The following CACNA1A variants were observed in gnomAD, a reference collection of about 807,000 sequenced individuals.
CACNA1A encodes the protein voltage-dependent P/Q-type calcium channel subunit alpha-1A.
In CACNA1A, 57 loss-of-function variants were observed where a neutral mutation model predicts 262.4. The observed-to-expected ratio is 0.22, with a 90% CI of 0.18 to 0.27. The LOEUF (loss-of-function observed/expected upper bound fraction) is 0.27, where lower values mean the gene tolerates loss of function less well. Ranked by LOEUF, CACNA1A falls within the 10% of genes least tolerant of loss-of-function variation. CACNA1A has a pLI of 1.00. For missense variants in CACNA1A, 2,526 were observed against 3,562.8 expected, an observed-to-expected ratio of 0.71 and a Z score of 7.41; for synonymous variants, 1,431 against 1,419.3, an observed-to-expected ratio of 1.01 and a Z score of -0.18.
In CACNA1A at chr19:13,207,157, T is replaced by C. The variant is rs2054597771; in HGVS notation, c.*156A>G. 9.9e-6 allele frequency: 8 copies of C among 809,186 alleles called. No homozygotes were observed. In the South Asian group the frequency reaches 1.0e-4, roughly 10 times the overall value. 50.1% of individuals were successfully genotyped at this position (809,186 alleles called of 1,614,324 possible). A position where few individuals can be genotyped will look rare whatever the true frequency, so the allele number is the denominator to read the frequency against. ...GCCGAGGGTCTCTGCGGGACACCCT[T>C]GTGGCCCAGCCCTGGCCTCTCCAGA... On this transcript the variant is annotated 3_prime_UTR_variant, in exon 47 of 47. Transcript: ENST00000360228. This position sits in a 1 kb window ranked among gnomAD's most constrained non-coding sequence, Gnocchi z 5.7.
chr19:13,413,895 A>AAAGAAAAGAAAAGAAAAGAAAAGAAAG lies in CACNA1A; in HGVS notation c.539+38980_539+38981insCTTTCTTTTCTTTTCTTTTCTTTTCTT, dbSNP rs2060168175. The stretch of plus-strand genomic sequence containing the variant: ...GACTCTGTCAAGAAAGAAAGAAAGA[A>AAAGAAAAGAAAAGAAAAGAAAAGAAAG]AAAGAAAGAAAGAAAGAAAGAAAGA... On this transcript the variant is annotated intron_variant, in intron 3 of 46. Coordinates refer to ENST00000360228, the MANE Select transcript of CACNA1A (RefSeq NM_001127222.2). 1.9e-3 allele frequency among the ~76,000 whole-genome samples: 224 copies of AAAGAAAAGAAAAGAAAAGAAAAGAAAG among 119,202 alleles called. 8 individuals carry two copies. The highest frequency in any genetic ancestry group is 7.4e-3 in the African/African-American group (182 of 24,628). The allele number at this position is 119,202 out of a possible 152,430, so 78.2% of individuals were successfully genotyped here.
intron 38 of CACNA1A, among the ~76,000 whole-genome samples, chr19:13,222,125 T>G (rs868308176): frequency 6.6e-6 from 1 of 152,220 alleles, no homozygotes; most frequent in Middle Eastern, 3.4e-3. Flanking sequence ...CAGGCTGGTC[T>G]TGAACTCCTG....
At position 13,506,248 on chromosome 19, in the gene CACNA1A, G is replaced by T; in HGVS notation, c.-24C>A. On this transcript the variant is annotated 5_prime_UTR_variant, in exon 1 of 47. Coordinates refer to ENST00000360228, the MANE Select transcript of CACNA1A (RefSeq NM_001127222.2). ...ATTCTGCAAAGAGCAAAGGGCTCCG[G>T]GTTACGCTGCGGCGAACGATGCGGA... 1 of 1,427,046 alleles carries T rather than the reference G, an allele frequency of 7.0e-7. No individual in the cohort carries two copies. The highest frequency in any genetic ancestry group is 9.1e-7 in the Non-Finnish European group (1 of 1,102,518). 88.4% of individuals were successfully genotyped at this position (1,427,046 alleles called of 1,614,324 possible). A position where few individuals can be genotyped will look rare whatever the true frequency, so the allele number is the denominator to read the frequency against.
intron 3 of CACNA1A, among the ~76,000 whole-genome samples, chr19:13,393,539 C>T (rs72997558): frequency 0.28 from 39,369 of 138,960 alleles, 6,677 homozygotes; most frequent in East Asian, 0.49. Flanking sequence ...CTTCCTTCCT[C>T]GAAGCTGCAG....
intron 3 of CACNA1A, among the ~76,000 whole-genome samples, chr19:13,425,879 A>G (rs1247893044): frequency 6.6e-6 from 1 of 152,118 alleles, no homozygotes; most frequent in Non-Finnish European, 1.5e-5. Context: ...AACGTGGTGA[A>G]ACCCTGCCTC....
intron 3 of CACNA1A, among the ~76,000 whole-genome samples, chr19:13,379,532 C>A (rs1302840009): frequency 6.6e-6 from 1 of 152,080 alleles, no homozygotes; most frequent in Non-Finnish European, 1.5e-5. Flanking sequence ...GGAAAGGACG[C>A]GTCAGTGACA....
intron 31 of CACNA1A, among the ~76,000 whole-genome samples, chr19:13,240,208 G>C (rs2056027581): frequency 6.6e-6 from 1 of 151,562 alleles, no homozygotes; most frequent in Admixed American, 6.6e-5. Context: ...GTGAGAAAAA[G>C]AGAAGAGGTC....
chr19:13,255,781 C>CCT, intron 28 of CACNA1A, among the ~76,000 whole-genome samples: 2 of 103,332 alleles, frequency 1.9e-5, no homozygotes, highest in African/African-American at 7.8e-5. Context: ...CCCTCCTTTC[C>CCT]TTCCTTCCTC....
At position 13,286,986 on chromosome 19, in the gene CACNA1A, G is replaced by A; in HGVS notation, c.3090-20C>T. On this transcript the variant is annotated intron_variant, in intron 19 of 46. Transcript: ENST00000360228. Reference sequence around the variant, plus strand: ...TTCTCTCTGAGGAAGGCAAGTGAATGAAAAAGAACCAACAACTGATTTAGG... The same window carrying A: ...TTCTCTCTGAGGAAGGCAAGTGAATAAAAAAGAACCAACAACTGATTTAGG... 1 of 1,533,830 alleles carries A rather than the reference G, an allele frequency of 6.5e-7. No individual in the cohort carries two copies. The highest frequency in any genetic ancestry group is 2.0e-5 in the Admixed American group (1 of 50,338).
intron 3 of CACNA1A, among the ~76,000 whole-genome samples, chr19:13,429,232 C>A (rs1335017757): frequency 1.3e-5 from 2 of 150,980 alleles, no homozygotes; most frequent in African/African-American, 4.9e-5. Context: ...CTTCTTGCAG[C>A]CTCTTCAGCC....
intron 10 of CACNA1A, among the ~76,000 whole-genome samples, chr19:13,320,236 TCGAGAGAGAG>T (rs2058221545): frequency 5.4e-5 from 4 of 73,542 alleles, no homozygotes; most frequent in South Asian, 7.4e-4. Context: ...GTTCCACAGA[TCGAGAGAGAG>T]AGAGAGAGAG....
At chr19:13,304,612 G>A (rs76690685) in intron 15 of CACNA1A, among the ~76,000 whole-genome samples, 1,707 of 138,680 alleles carry the variant, frequency 0.012, 33 homozygotes, top group African/African-American at 0.044. Context: ...ACAAAAAAAT[G>A]TGATTTGCCT....
rs1555781801 is a variant in CACNA1A, at chr19:13,406,465, T to TTTTATATA, written c.540-34687_540-34686insTATATAAA. ...GGGAGACTCTGTCTCAAAAAAAAAATTATATATATATATATATATATATAT... is the reference window on the plus strand; with the variant it reads ...GGGAGACTCTGTCTCAAAAAAAAAATTTTATATATATATATATATATATATATATATAT... On this transcript the variant is annotated intron_variant, in intron 3 of 46. Coordinates refer to ENST00000360228, the MANE Select transcript of CACNA1A (RefSeq NM_001127222.2). 5.4e-4 allele frequency among the ~76,000 whole-genome samples: 17 copies of TTTTATATA among 31,548 alleles called. 3 individuals carry two copies. Among genetic ancestry groups the TTTTATATA allele is most frequent in the South Asian group, 5.0e-3 (3 of 600 alleles). 20.7% of individuals were successfully genotyped at this position (31,548 alleles called of 152,430 possible). A position where few individuals can be genotyped will look rare whatever the true frequency, so the allele number is the denominator to read the frequency against.
intron 24 of CACNA1A, among the ~76,000 whole-genome samples, chr19:13,267,858 G>A (rs910987639): frequency 2.0e-5 from 3 of 151,802 alleles, no homozygotes; most frequent in Non-Finnish European, 2.9e-5. Context: ...TTGGCTCACT[G>A]TAGCCTCAAC....
At chr19:13,435,976 C>A (rs965588503) in intron 3 of CACNA1A, among the ~76,000 whole-genome samples, 1 of 152,112 alleles carries the variant, frequency 6.6e-6, no homozygotes. Flanking sequence ...AGGGATGCAC[C>A]ACCAAACCCA....
chr19:13,434,117 C>T (rs1410363811), intron 3 of CACNA1A, among the ~76,000 whole-genome samples: 1 of 152,174 alleles, frequency 6.6e-6, no homozygotes, highest in Non-Finnish European at 1.5e-5. Context: ...AAGGGCACAG[C>T]CTGGCCACAC....
chr19:13,287,562 C>CGT (rs1275179602), intron 19 of CACNA1A, among the ~76,000 whole-genome samples: 5 of 151,934 alleles, frequency 3.3e-5, no homozygotes, highest in Non-Finnish European at 5.9e-5. Context: ...CGTACAGTGG[C>CGT]GTGATCTCGG....
chr19:13,230,292 AGACG>A, intron 35 of CACNA1A, 83 bp from the exon 36 acceptor site: 1 of 1,474,506 alleles, frequency 6.8e-7, no homozygotes. Flanking sequence ...ACAGACAGAC[AGACG>A]GACAGACAGA....
chr19:13,311,507 A>G (rs1483602934), intron 12 of CACNA1A, among the ~76,000 whole-genome samples: 1 of 152,244 alleles, frequency 6.6e-6, no homozygotes, highest in African/African-American at 2.4e-5. Flanking sequence ...ATAATTTTCT[A>G]TAATGGCAGA....
Sources: allele counts gnomAD v4.1 joint callset (sites outside exome capture counted in the v4.1 genomes callset), GRCh38; gene constraint gnomAD v4.1.1; non-coding constraint Gnocchi (gnomAD v3.1); transcripts MANE v1.5; gene names NCBI Gene and HGNC (gene_info 2026-07-23, HGNC 2026-07-21).